The following PTGIS variants were observed in gnomAD, a reference collection of about 807,000 sequenced individuals.
The protein encoded by PTGIS is prostaglandin I2 synthase.
PTGIS carries 45 observed loss-of-function variants against 50.3 expected under a neutral mutation model. The ratio of observed to expected loss-of-function variants is 0.90; its 90% CI spans 0.70 to 1.15. The LOEUF (loss-of-function observed/expected upper bound fraction) is 1.15, where lower values mean the gene tolerates loss of function less well. Ranked by LOEUF, PTGIS falls within the 50% of genes most tolerant of loss-of-function variation. The probability of loss-of-function intolerance (pLI) is 0.00; values close to 1 mark genes in which losing one functional copy is unlikely to be tolerated. For missense variants in PTGIS, 668 were observed against 661.3 expected (o/e 1.01, Z -0.11); for synonymous variants, 260 against 267.7 (o/e 0.97, Z 0.28).
chr20:49,546,076 T>C (rs1188908220), intron 3 of PTGIS, among the ~76,000 whole-genome samples: 2 of 152,144 alleles, frequency 1.3e-5, no homozygotes, highest in Non-Finnish European at 2.9e-5. Flanking sequence ...CCTGGCACAT[T>C]GTAAGTGCTC....
At chr20:49,513,882 T>C (rs1003038213) in intron 7 of PTGIS, among the ~76,000 whole-genome samples, 1 of 152,074 alleles carries the variant, frequency 6.6e-6, no homozygotes, top group Non-Finnish European at 1.5e-5. Context: ...GCCAACCCAG[T>C]GGGAAACAGG....
intron 5 of PTGIS, 76 bp downstream of exon 5, chr20:49,539,494 C>G (rs1982166569): frequency 1.3e-6 from 2 of 1,518,600 alleles, no homozygotes; most frequent in African/African-American, 2.7e-5. Flanking sequence ...GCCTCTGGTC[C>G]TCTACCTTGA....
intron 4 of PTGIS, among the ~76,000 whole-genome samples, chr20:49,541,733 T>C (rs1252933549): frequency 6.6e-6 from 1 of 151,802 alleles, no homozygotes; most frequent in Non-Finnish European, 1.5e-5. Flanking sequence ...AACTTTGTCT[T>C]TAAAATAAAA....
chr20:49,517,455 T>A (rs966601575), intron 6 of PTGIS, among the ~76,000 whole-genome samples: 34 of 79,268 alleles, frequency 4.3e-4, no homozygotes, highest in Non-Finnish European at 4.2e-4. Flanking sequence ...TGAGTGTGAG[T>A]GTGTGTGTGT....
intron 5 of PTGIS, among the ~76,000 whole-genome samples, chr20:49,529,157 C>T (rs1406373879): frequency 2.0e-5 from 3 of 152,150 alleles, no homozygotes; most frequent in East Asian, 3.8e-4. Flanking sequence ...TTAAGATCCA[C>T]TCTCTTAGCA....
intron 6 of PTGIS, among the ~76,000 whole-genome samples, chr20:49,519,010 A>T (rs1601182590): frequency 6.6e-6 from 1 of 152,216 alleles, no homozygotes; most frequent in Non-Finnish European, 1.5e-5. Flanking sequence ...GAGAAGGATC[A>T]GATGTGATGG....
chr20:49,504,546 CAGTT>C lies in PTGIS; in HGVS notation c.*3370_*3373del, dbSNP rs1354383856. On this transcript the variant is annotated 3_prime_UTR_variant, in exon 10 of 10. Transcript: ENST00000244043. ...CCGTCTCTACTAAAAATACAAAAAT[CAGTT>C]GGGCGTGGTGGTGTGCGCCTGTAAT... The C allele has an allele frequency of 6.6e-6, 1 of 151,676 alleles. No individual in the cohort carries two copies. Among genetic ancestry groups the C allele is most frequent in the Non-Finnish European group, 1.5e-5 (1 of 67,898 alleles). 9.4% of individuals were successfully genotyped at this position (151,676 alleles called of 1,614,324 possible). A position where few individuals can be genotyped will look rare whatever the true frequency, so the allele number is the denominator to read the frequency against.
chr20:49,524,354 G>A, intron 5 of PTGIS, 115 bp from the exon 6 acceptor site: 1 of 1,222,638 alleles, frequency 8.2e-7, no homozygotes. Context: ...CTCATTGAGG[G>A]TGGGGAGTTC....
At chr20:49,564,476 C>T (rs527769190) in intron 1 of PTGIS, among the ~76,000 whole-genome samples, 38 of 152,276 alleles carry the variant, frequency 2.5e-4, no homozygotes, top group African/African-American at 9.1e-4. Flanking sequence ...TGGTCTCGAT[C>T]TCCTGACCTC....
At chr20:49,559,494 G>A (rs942023424) in intron 1 of PTGIS, among the ~76,000 whole-genome samples, 5 of 152,182 alleles carry the variant, frequency 3.3e-5, no homozygotes, top group East Asian at 1.9e-4. Context: ...GATCAGGACC[G>A]CTTTCGGGTG....
chr20:49,536,470 C>CTTTT (rs1471525960), intron 5 of PTGIS, among the ~76,000 whole-genome samples: 57 of 135,104 alleles, frequency 4.2e-4, no homozygotes, highest in African/African-American at 6.9e-4. Flanking sequence ...TTCTTTCTTT[C>CTTTT]TTTCTTTCTT....
At chr20:49,538,174 G>T (rs1296314394) in intron 5 of PTGIS, among the ~76,000 whole-genome samples, 1 of 143,494 alleles carries the variant, frequency 7.0e-6, no homozygotes, top group Non-Finnish European at 1.5e-5. Context: ...AGGATCACTT[G>T]ATCCCAGGAG....
chr20:49,529,644 G>C (rs1389212704), intron 5 of PTGIS, among the ~76,000 whole-genome samples: 2 of 152,096 alleles, frequency 1.3e-5, no homozygotes, highest in African/African-American at 4.8e-5. Context: ...CATCTTGCCT[G>C]GGGGGTGAAT....
At chr20:49,548,100 GC>G in intron 2 of PTGIS, 81 bp from the exon 3 acceptor site, 1 of 1,287,544 alleles carries the variant, frequency 7.8e-7, no homozygotes, top group South Asian at 1.2e-5. Flanking sequence ...CTTACTGTGT[GC>G]CAGGCACTGC....
At chr20:49,523,155 A>G (rs543925620) in intron 6 of PTGIS, among the ~76,000 whole-genome samples, 2 of 152,376 alleles carry the variant, frequency 1.3e-5, no homozygotes, top group East Asian at 3.9e-4. Context: ...CAAAACTGGA[A>G]TACAGATTGT....
At chr20:49,538,990 C>T (rs903106017) in intron 5 of PTGIS, among the ~76,000 whole-genome samples, 5 of 151,848 alleles carry the variant, frequency 3.3e-5, no homozygotes, top group South Asian at 2.1e-4. Flanking sequence ...CCTCTCAGTG[C>T]GTTTAGATGT....
At chr20:49,555,499 TC>T (rs1187168404) in intron 1 of PTGIS, among the ~76,000 whole-genome samples, 7 of 152,190 alleles carry the variant, frequency 4.6e-5, no homozygotes, top group African/African-American at 1.7e-4. Context: ...AGAGACATAT[TC>T]GGCTTATTTG....
At position 49,524,288 on chromosome 20, in the gene PTGIS, C is replaced by T. The variant is rs1488134200; in HGVS notation, c.674-49G>A. 1.9e-6 allele frequency: 3 copies of T among 1,598,414 alleles called. No homozygotes were observed. In the Admixed American group the frequency reaches 5.0e-5, roughly 27 times the overall value. ...TAGGGGTTACAGATTCACCATCCCA[C>T]ACCCAGGGCTGGCCAGGCATGACCT... On this transcript the variant is annotated intron_variant, in intron 5 of 9. Coordinates refer to ENST00000244043, the MANE Select transcript of PTGIS (RefSeq NM_000961.4).
rs183340778 is a variant in PTGIS, at chr20:49,541,501, G to T, written c.522-1780C>A. Among the ~76,000 whole-genome samples the T allele has an allele frequency of 2.3e-3, 344 of 152,276 alleles. 1 individual carries two copies. Among genetic ancestry groups the T allele is most frequent in the Non-Finnish European group, 3.6e-3 (243 of 68,030 alleles). Reference sequence around the variant, plus strand: ...AATCCTAGCACTTTGGGATGCCGAGGTGGTTATATCACCTGAGGTCAGGAG... The same window carrying T: ...AATCCTAGCACTTTGGGATGCCGAGTTGGTTATATCACCTGAGGTCAGGAG... On this transcript the variant is annotated intron_variant, in intron 4 of 9. Transcript: ENST00000244043.
Sources: gnomAD v4.1 joint callset for allele counts (sites outside exome capture counted in the v4.1 genomes callset) on GRCh38, gnomAD v4.1.1 for gene constraint, MANE v1.5 for transcripts, NCBI Gene and HGNC (gene_info 2026-07-23, HGNC 2026-07-21) for gene names.